Variants in RPS27 observed in about 807,000 individuals in gnomAD.
RPS27 encodes ribosomal protein S27.
Under a neutral mutation model 11.8 loss-of-function variants are expected in RPS27, and 1 was observed. The ratio of observed to expected loss-of-function variants is 0.08; its 90% CI spans 0.03 to 0.40. The LOEUF (loss-of-function observed/expected upper bound fraction) is 0.40. Among genes scored for constraint, RPS27 ranks in the 10% least tolerant of loss-of-function variants. RPS27 has a pLI of 0.98. For synonymous variants in RPS27, 42 were observed against 33.8 expected, an observed-to-expected ratio of 1.24 and a Z score of -0.84; for missense variants, 44 against 100.1, an observed-to-expected ratio of 0.44 and a Z score of 2.39.
At position 153,991,594 on chromosome 1, in the gene RPS27, C is replaced by T. The variant is rs1649414416; in HGVS notation, c.144C>T (p.Ser48=). Residue 48 remains serine, a synonymous_variant, in exon 3 of 4, where the codon AGC becomes AGT. Coordinates refer to ENST00000651669, the MANE Select transcript of RPS27 (RefSeq NM_001030.6). ...GCTATAAAATCACCACGGTCTTTAGCCATGCACAAACGGTAGTTTTGTGTG... is the reference window on the plus strand; with the variant it reads ...GCTATAAAATCACCACGGTCTTTAGTCATGCACAAACGGTAGTTTTGTGTG... ...PGCYKITTVF[S]HAQTVVLCVG... The T allele has an allele frequency of 3.1e-6, 5 of 1,612,936 alleles. No homozygotes were observed. The highest frequency in any genetic ancestry group is 4.2e-6 in the Non-Finnish European group (5 of 1,179,000).
chr1:153,990,917 A>G (rs1296598990), intron 1 of RPS27, 115 bp downstream of exon 1: 3 of 1,470,866 alleles, frequency 2.0e-6, no homozygotes, highest in East Asian at 2.3e-5. Flanking sequence ...TTCTTAGGAC[A>G]TTAACTCCAG....
At chr1:153,991,086 C>T in intron 1 of RPS27, 29 bp from the exon 2 acceptor site, 2 of 1,515,330 alleles carry the variant, frequency 1.3e-6, no homozygotes, top group Non-Finnish European at 1.8e-6. Context: ...CTGTTGGTTT[C>T]TAAATCTCTG....
intron 2 of RPS27, 51 bp from the exon 3 acceptor site, chr1:153,991,515 A>C: frequency 7.2e-7 from 1 of 1,397,456 alleles, no homozygotes; most frequent in Non-Finnish European, 1.0e-6. Flanking sequence ...GCATAAGTGC[A>C]GGAAAGACGG....
Position 153,992,152 on chromosome 1 carries a change from C to T in RPS27, c.*59C>T. On this transcript the variant is annotated 3_prime_UTR_variant, in exon 4 of 4. Transcript: ENST00000651669. Reference sequence around the variant, plus strand: ...CTCAATAAACACATTTTGGATAAATCCTGTTTATTGTCTTGTTTAAGTGTT... The same window carrying T: ...CTCAATAAACACATTTTGGATAAATTCTGTTTATTGTCTTGTTTAAGTGTT... The T allele has an allele frequency of 1.4e-6, 2 of 1,457,950 alleles. No individual in the cohort carries two copies. Among genetic ancestry groups the T allele is most frequent in the African/African-American group, 1.4e-5 (1 of 72,070 alleles). The allele number at this position is 1,457,950 out of a possible 1,614,324, so 90.3% of individuals were successfully genotyped here. A position where few individuals can be genotyped will look rare whatever the true frequency, so the allele number is the denominator to read the frequency against.
chr1:153,990,776 A>G lies in RPS27; in HGVS notation c.-21A>G. On this transcript the variant is annotated 5_prime_UTR_variant, in exon 1 of 4. Transcript: ENST00000651669. ...CCGCTTTCGCTCCTTTCCGGCGGTG[A>G]CGACCTACGCACACGAGAACATGCC... 1 of 1,614,166 alleles carries G rather than the reference A, an allele frequency of 6.2e-7. No individual in the cohort carries two copies. Among genetic ancestry groups the G allele is most frequent in the East Asian group, 2.2e-5 (1 of 44,882 alleles).
chr1:153,991,040 T>G, intron 1 of RPS27, 75 bp from the exon 2 acceptor site: 1 of 1,266,116 alleles, frequency 7.9e-7, no homozygotes, highest in South Asian at 1.4e-5. Flanking sequence ...CCCCGGTGTG[T>G]GACAGTGGGG....
At chr1:153,991,453 C>G in intron 2 of RPS27, 113 bp from the exon 3 acceptor site, 2 of 1,359,104 alleles carry the variant, frequency 1.5e-6, no homozygotes, top group Non-Finnish European at 2.1e-6. Flanking sequence ...ATTTCACATA[C>G]AACCCCTACG....
At position 153,991,639 on chromosome 1, in the gene RPS27, C is replaced by T. The variant is rs549879404; in HGVS notation, c.189C>T (p.Leu63=). 5.6e-6 allele frequency: 9 copies of T among 1,611,934 alleles called. No homozygotes were observed. The highest frequency in any genetic ancestry group is 5.5e-5 in the South Asian group (5 of 91,016). The change falls in exon 3 of 4, where the codon CTC becomes CTT. Residue 63 remains leucine, a synonymous_variant. Coordinates refer to ENST00000651669, the MANE Select transcript of RPS27 (RefSeq NM_001030.6). The part of the protein sequence containing the change: ...VVLCVGCSTV[L]CQPTGGKARL... ...TGTGTGTTGGCTGCTCCACTGTCCT[C>T]TGCCAGCCTACAGGAGGAAAAGCAA...
rs909804068 is a variant in RPS27, at chr1:153,991,513, G to A, written c.116-53G>A. On this transcript the variant is annotated intron_variant, in intron 2 of 3. Transcript: ENST00000651669. ...AATGGATGATGAGTTGGGCATAAGT[G>A]CAGGAAAGACGGGTGTAATAGAGGA... 30 of 1,415,330 alleles carry A rather than the reference G, an allele frequency of 2.1e-5. No homozygotes were observed. The East Asian group carries it at 4.8e-4, about 23-fold the overall frequency. The allele number at this position is 1,415,330 out of a possible 1,614,324, so 87.7% of individuals were successfully genotyped here.
chr1:153,990,771 C>A lies in RPS27; in HGVS notation c.-26C>A. ...GATTTCCGCTTTCGCTCCTTTCCGGCGGTGACGACCTACGCACACGAGAAC... is the reference window on the plus strand; with the variant it reads ...GATTTCCGCTTTCGCTCCTTTCCGGAGGTGACGACCTACGCACACGAGAAC... On this transcript the variant is annotated 5_prime_UTR_variant, in exon 1 of 4. Coordinates refer to ENST00000651669, the MANE Select transcript of RPS27 (RefSeq NM_001030.6). 1 of 1,614,166 alleles carries A rather than the reference C, an allele frequency of 6.2e-7. No homozygotes were observed. Among genetic ancestry groups the A allele is most frequent in the Non-Finnish European group, 8.5e-7 (1 of 1,180,004 alleles).
At chr1:153,990,833 A>G (rs527329641) in intron 1 of RPS27, 31 bp downstream of exon 1, 81 of 1,614,036 alleles carry the variant, frequency 5.0e-5, no homozygotes, top group Non-Finnish European at 6.4e-5. Context: ...TTCGGCGGAG[A>G]TCTCGCTGTT....
At chr1:153,991,067 C>A in intron 1 of RPS27, 48 bp from the exon 2 acceptor site, 1 of 1,430,076 alleles carries the variant, frequency 7.0e-7, no homozygotes, top group Non-Finnish European at 9.5e-7. Flanking sequence ...TTCGACCATC[C>A]CATTTTCGCT....
chr1:153,990,844 C>G (rs759349054), intron 1 of RPS27, 42 bp downstream of exon 1: 2 of 1,613,666 alleles, frequency 1.2e-6, no homozygotes, highest in African/African-American at 2.7e-5. Flanking sequence ...TCTCGCTGTT[C>G]TGTCCGAACT....
At chr1:153,990,885 G>C (rs1280799264) in intron 1 of RPS27, 83 bp downstream of exon 1, 1 of 1,579,224 alleles carries the variant, frequency 6.3e-7, no homozygotes, top group African/African-American at 1.3e-5. Flanking sequence ...GATCGTAGAG[G>C]GTCCTCATTT....
chr1:153,991,264 T>C, intron 2 of RPS27, 41 bp downstream of exon 2: 1 of 1,569,070 alleles, frequency 6.4e-7, no homozygotes, highest in Non-Finnish European at 8.7e-7. Flanking sequence ...GCACTGGACC[T>C]CAACAGTTGG....
intron 3 of RPS27, 55 bp from the exon 4 acceptor site, chr1:153,992,010 G>A: frequency 6.5e-7 from 1 of 1,540,782 alleles, no homozygotes; most frequent in Non-Finnish European, 9.0e-7. Context: ...TTTTGGGAGA[G>A]GTGGGCAGAA....
chr1:153,990,990 C>T, intron 1 of RPS27, 125 bp from the exon 2 acceptor site: 1 of 1,169,986 alleles, frequency 8.5e-7, no homozygotes, highest in Non-Finnish European at 1.2e-6. Flanking sequence ...AGATGGCGGC[C>T]CAGCTGCGCA....
Position 153,991,292 on chromosome 1 carries a change from G to C in RPS27, c.115+69G>C, listed in dbSNP as rs576462026. On this transcript the variant is annotated intron_variant, in intron 2 of 3. Transcript: ENST00000651669. Reference sequence around the variant, plus strand: ...ACAGTTGGAAAATGTTGTAGTGTTAGCTGTCTCGTATCCTTGAAGCTGTGC... The same window carrying C: ...ACAGTTGGAAAATGTTGTAGTGTTACCTGTCTCGTATCCTTGAAGCTGTGC... 245 of 1,556,224 alleles carry C rather than the reference G, an allele frequency of 1.6e-4. 4 individuals carry two copies. The South Asian group carries it at 2.6e-3, about 17-fold the overall frequency.
rs757903195 is a variant in RPS27, at chr1:153,991,194, A to G, written c.86A>G (p.Asn29Ser). 26 of 1,599,248 alleles carry G rather than the reference A, an allele frequency of 1.6e-5. No individual in the cohort carries two copies. The highest frequency in any genetic ancestry group is 2.1e-5 in the Non-Finnish European group (24 of 1,170,588). ...AAGAAACGCCTGGTGCAGAGCCCCA[A>G]TTCCTACTTCATGGATGTGAAATGC... is the stretch of plus-strand genomic sequence containing the variant. ...HKKKRLVQSP[N>S]SYFMDVKCPG... Residue 29 changes from asparagine (N) to serine (S), a missense_variant, in exon 2 of 4, where the codon AAT becomes AGT. Asn to Ser is a conservative substitution (Grantham distance 46). Around this residue, in one of 2 missense-constraint regions of RPS27, gnomAD observed 23 missense variants for 83.8 expected, o/e 0.27. Coordinates refer to ENST00000651669, the MANE Select transcript of RPS27 (RefSeq NM_001030.6).
Sources: gnomAD v4.1 joint callset for allele counts on GRCh38, gnomAD v4.1.1 for gene constraint, gnomAD v4.1.1 regional missense constraint, MANE v1.5 for transcripts, NCBI Gene and HGNC (gene_info 2026-07-23, HGNC 2026-07-21) for gene names.